The following BRI3 variants were observed in gnomAD, a reference collection of about 807,000 sequenced individuals.
BRI3 encodes the protein brain protein I3, also known as membrane protein BRI3.
A neutral mutation model predicts 12.8 loss-of-function variants in BRI3; 6 were observed. The ratio of observed to expected loss-of-function variants is 0.47; its 90% CI spans 0.26 to 0.93. The LOEUF is 0.93. Among genes scored for constraint, BRI3 ranks in the 40% least tolerant of loss-of-function variants. BRI3 has a pLI of 0.15. For missense variants in BRI3, 134 were observed against 171.1 expected (o/e 0.78, Z 1.21); for synonymous variants, 91 against 76.1 (o/e 1.20, Z -1.02).
At chr7:98,304,561 T>C (rs572649865), upstream of BRI3, among the ~76,000 whole-genome samples, 2 of 152,200 alleles carry the variant, frequency 1.3e-5, no homozygotes, top group Admixed American at 6.5e-5. Flanking sequence ...TTTTTAAATT[T>C]TTTTGCGACA....
downstream of BRI3, among the ~76,000 whole-genome samples, chr7:98,314,682 T>C (rs1801005997): frequency 6.6e-6 from 1 of 151,854 alleles, no homozygotes. Flanking sequence ...GCTGTCCTGA[T>C]GCGCGTGAAT....
In BRI3 at chr7:98,291,153, C is replaced by T. The variant is rs1477663850; in HGVS notation, c.288C>T (p.Phe96=). ...LEDCFTFLGI[F]LAIILFPFGF... ...ACTGCTTCACCTTCCTGGGCATCTT[C>T]CTGGCCATCATCCTCTTCCCCTTTG... The change falls in exon 3 of 3, where the codon TTC becomes TTT. Residue 96 remains phenylalanine, a synonymous_variant. Transcript: ENST00000297290. 2 of 1,614,180 alleles carry T rather than the reference C, an allele frequency of 1.2e-6. No individual in the cohort carries two copies. The highest frequency in any genetic ancestry group is 2.7e-5 in the African/African-American group (2 of 75,064).
downstream of BRI3, among the ~76,000 whole-genome samples, chr7:98,294,513 A>C (rs1166009329): frequency 6.6e-6 from 1 of 152,200 alleles, no homozygotes; most frequent in Admixed American, 6.5e-5. Flanking sequence ...TCGGGAGCTC[A>C]CATGTGAACG....
chr7:98,288,418 A>G (rs2116726534), intron 2 of BRI3, among the ~76,000 whole-genome samples: 1 of 152,178 alleles, frequency 6.6e-6, no homozygotes, highest in African/African-American at 2.4e-5. Flanking sequence ...CTGGACTGGC[A>G]GGGGCAGCCC....
exon 2 of BRI3, chr7:98,308,178 C>T (rs914705101): frequency 1.5e-5 from 9 of 583,282 alleles, no homozygotes; most frequent in East Asian, 1.2e-4. Flanking sequence ...CGGTGTGTGC[C>T]GGGTTGATCT....
downstream of BRI3, among the ~76,000 whole-genome samples, chr7:98,312,559 G>C (rs1800911507): frequency 6.6e-6 from 1 of 152,196 alleles, no homozygotes; most frequent in African/African-American, 2.4e-5. Flanking sequence ...GAAACTCAAA[G>C]GGAGGGAGGG....
chr7:98,308,997 A>T (rs1800772382), exon 2 of BRI3: 1 of 150,852 alleles, frequency 6.6e-6, no homozygotes, highest in Non-Finnish European at 1.5e-5. Context: ...TTTCCATTCA[A>T]ATTTTCCCAG....
intron 1 of BRI3, among the ~76,000 whole-genome samples, chr7:98,298,077 CTT>C (rs920840864): frequency 1.3e-5 from 2 of 152,094 alleles, no homozygotes; most frequent in Non-Finnish European, 2.9e-5. Flanking sequence ...TTAATAAAAA[CTT>C]AAAGAGATAT....
At chr7:98,306,334 G>A, upstream of BRI3, 1 of 1,364,608 alleles carries the variant, frequency 7.3e-7, no homozygotes, top group South Asian at 1.2e-5. Context: ...CACGAGAGCT[G>A]AGGCTTAGGG....
At chr7:98,307,432 A>G in intron 1 of BRI3, 1 of 1,333,888 alleles carries the variant, frequency 7.5e-7, no homozygotes, top group Non-Finnish European at 9.6e-7. Flanking sequence ...TAAAAACAAA[A>G]GAATGTTTAA....
chr7:98,286,607 AG>A, intron 2 of BRI3, among the ~76,000 whole-genome samples: 1 of 152,274 alleles, frequency 6.6e-6, no homozygotes, highest in Non-Finnish European at 1.5e-5. Context: ...GTTCCGGGGC[AG>A]GGGTTCCCCT....
At chr7:98,282,096 T>TC (rs950138364) in intron 1 of BRI3, among the ~76,000 whole-genome samples, 159 bp downstream of exon 1, 3 of 150,970 alleles carry the variant, frequency 2.0e-5, no homozygotes, top group Non-Finnish European at 4.4e-5. Context: ...AGGGCCAGCC[T>TC]CCCCCCCGGG....
At chr7:98,283,935 G>A (rs931683633) in intron 2 of BRI3, among the ~76,000 whole-genome samples, 12 of 152,204 alleles carry the variant, frequency 7.9e-5, no homozygotes, top group Admixed American at 2.0e-4. Context: ...AGTTGCTGTC[G>A]GTATGGGGGC....
At chr7:98,298,324 CATT>C (rs1192454303) in intron 1 of BRI3, among the ~76,000 whole-genome samples, 4 of 149,340 alleles carry the variant, frequency 2.7e-5, no homozygotes, top group East Asian at 4.1e-4. Context: ...TTTTAAAAAA[CATT>C]AGGGGCTGGG....
chr7:98,313,549 A>G (rs1334857705), downstream of BRI3, among the ~76,000 whole-genome samples: 1 of 152,168 alleles, frequency 6.6e-6, no homozygotes, highest in Non-Finnish European at 1.5e-5. Context: ...TACATTCCCG[A>G]AACTAGTACA....
intron 2 of BRI3, among the ~76,000 whole-genome samples, chr7:98,283,314 C>T (rs1472735937): frequency 6.6e-6 from 1 of 151,764 alleles, no homozygotes; most frequent in East Asian, 1.9e-4. Flanking sequence ...GTGTGTAAGG[C>T]CTAGAGTGGA....
exon 2 of BRI3, chr7:98,309,221 G>C (rs950331409): frequency 4.0e-5 from 6 of 151,818 alleles, no homozygotes; most frequent in Non-Finnish European, 7.3e-5. Flanking sequence ...TGTGATCTCG[G>C]CTCACTGCAA....
intron 2 of BRI3, chr7:98,282,817 A>C (rs977970545): frequency 1.4e-5 from 3 of 220,872 alleles, no homozygotes; most frequent in African/African-American, 6.9e-5. Flanking sequence ...CACTTTCCGC[A>C]AGTTTACTCT....
chr7:98,288,164 C>T (rs1052013504), intron 2 of BRI3, among the ~76,000 whole-genome samples: 3 of 152,178 alleles, frequency 2.0e-5, no homozygotes, highest in Non-Finnish European at 2.9e-5. Flanking sequence ...GGGATTTGAC[C>T]GCAGATGCCA....
Sources: allele counts gnomAD v4.1 joint callset (sites outside exome capture counted in the v4.1 genomes callset), GRCh38; gene constraint gnomAD v4.1.1; transcripts MANE v1.5; gene names NCBI Gene and HGNC (gene_info 2026-07-23, HGNC 2026-07-21).